SORCS1: variants seen among roughly 807,000 people sequenced by gnomAD.
SORCS1 encodes VPS10 domain-containing receptor SorCS1.
In SORCS1, 60 loss-of-function variants were observed where a neutral mutation model predicts 146.1. The ratio of observed to expected loss-of-function variants is 0.41; its 90% confidence interval spans 0.33 to 0.51. SORCS1 has a LOEUF of 0.51. Among genes scored for constraint, SORCS1 ranks in the 20% least tolerant of loss-of-function variants. SORCS1 has a pLI of 0.21. For missense variants in SORCS1, 1,352 were observed against 1,487.6 expected (o/e 0.91, Z 1.50); for synonymous variants, 637 against 584.0 (o/e 1.09, Z -1.31).
At chr10:107,159,160 C>T (rs1362542946) in intron 1 of SORCS1, among the ~76,000 whole-genome samples, 1 of 152,140 alleles carries the variant, frequency 6.6e-6, no homozygotes, top group Non-Finnish European at 1.5e-5. Flanking sequence ...TTCCCCTAAA[C>T]AGATATGCAT....
In SORCS1 at chr10:106,672,885, A is replaced by C. The variant is rs1851714894; in HGVS notation, c.2041T>G (p.Trp681Gly). The C allele has an allele frequency of 6.2e-7, 1 of 1,613,876 alleles. No homozygotes were observed. Among genetic ancestry groups the C allele is most frequent in the Non-Finnish European group, 8.5e-7 (1 of 1,179,922 alleles). The change falls in exon 15 of 26, where the codon TGG (tryptophan) becomes GGG (glycine). Residue 681 changes from tryptophan to glycine, a missense_variant. Trp to Gly is a radical substitution (Grantham distance 184). This residue lies in a region of SORCS1 where 648 missense variants were observed against 793.8 expected (regional missense o/e 0.82). Transcript: ENST00000263054. The stretch of plus-strand genomic sequence containing the variant: ...CCTCCTACCTGGCTGTGCAGCTGCC[A>C]AGGTCTGTAGTCCTCTTCGGCACAC... ...RRCAEEDYRPWQLHSQGEACI... is the reference protein window; with the variant it reads ...RRCAEEDYRPGQLHSQGEACI...
In SORCS1 at chr10:106,842,128, T is replaced by TTAAATG. The variant is rs111553027; in HGVS notation, c.627-12456_627-12455insCATTTA. Among the ~76,000 whole-genome samples the TTAAATG allele has an allele frequency of 7.7e-3, 1,171 of 152,326 alleles. 14 individuals carry two copies. The highest frequency in any genetic ancestry group is 0.027 in the African/African-American group (1,122 of 41,578). ...TAGATTTTGCCCATTTTAATAGGTG[T>TTAAATG]ATAGCAGCGTATCATTTTTTTTATT... On this transcript the variant is annotated intron_variant, in intron 2 of 25. Transcript: ENST00000263054.
intron 2 of SORCS1, among the ~76,000 whole-genome samples, chr10:106,914,156 T>C (rs993545637): frequency 2.0e-5 from 3 of 152,256 alleles, no homozygotes; most frequent in Non-Finnish European, 2.9e-5. Flanking sequence ...AAGCAAACTA[T>C]AAATGCCCAG....
intron 17 of SORCS1, among the ~76,000 whole-genome samples, chr10:106,660,209 G>T (rs1297836023): frequency 6.6e-6 from 1 of 152,162 alleles, no homozygotes; most frequent in East Asian, 1.9e-4. Context: ...CCAGGAAGTG[G>T]CAGGTTAGCA....
chr10:106,758,660 T>C (rs1858845811), intron 5 of SORCS1, among the ~76,000 whole-genome samples: 1 of 152,186 alleles, frequency 6.6e-6, no homozygotes, highest in Admixed American at 6.5e-5. Context: ...GAACCCTCTC[T>C]TCCATAAACT....
intron 20 of SORCS1, 139 bp from the exon 21 acceptor site, chr10:106,618,411 A>G (rs116616532): frequency 1.1e-5 from 11 of 1,013,942 alleles, no homozygotes; most frequent in East Asian, 2.6e-5. Flanking sequence ...GAGTCCCTCT[A>G]TGCCTCCCTA....
At chr10:106,602,781 T>G (rs922165689) in intron 23 of SORCS1, among the ~76,000 whole-genome samples, 3 of 152,226 alleles carry the variant, frequency 2.0e-5, no homozygotes, top group African/African-American at 7.2e-5. Context: ...CTCCAGAGTA[T>G]TTTTGTAATT....
Position 106,931,618 on chromosome 10 carries a change from G to A in SORCS1, c.626+24895C>T, listed in dbSNP as rs185869253. 3.8e-3 allele frequency among the ~76,000 whole-genome samples: 581 copies of A among 152,306 alleles called. 3 individuals carry two copies. The highest frequency in any genetic ancestry group is 6.2e-3 in the Non-Finnish European group (423 of 68,028). ...CACTAGCTCAGAGGCATCATCGTGG[G>A]AAAGCCCCCTGCAGTTTTCAGAGAT... On this transcript the variant is annotated intron_variant, in intron 2 of 25. Coordinates refer to ENST00000263054, the MANE Select transcript of SORCS1 (RefSeq NM_052918.5).
chr10:107,006,892 AATTTAT>A (rs2139685079), intron 1 of SORCS1, among the ~76,000 whole-genome samples: 2 of 150,410 alleles, frequency 1.3e-5, no homozygotes, highest in South Asian at 4.1e-4. Context: ...ATTCCTTTTA[AATTTAT>A]ATTTTCATTT....
intron 4 of SORCS1, among the ~76,000 whole-genome samples, chr10:106,773,550 G>GT (rs1404069512): frequency 2.0e-5 from 3 of 152,294 alleles, no homozygotes; most frequent in East Asian, 1.9e-4. Flanking sequence ...TCCATGATGT[G>GT]TTTTTTCCAG....
intron 1 of SORCS1, among the ~76,000 whole-genome samples, chr10:107,053,567 G>A (rs1416781720): frequency 6.6e-6 from 1 of 152,072 alleles, no homozygotes; most frequent in Non-Finnish European, 1.5e-5. Context: ...GGAAAAAAGG[G>A]TTGACTTGTA....
At chr10:106,899,527 A>G (rs1951617263) in intron 2 of SORCS1, among the ~76,000 whole-genome samples, 1 of 151,090 alleles carries the variant, frequency 6.6e-6, no homozygotes, top group Non-Finnish European at 1.5e-5. Flanking sequence ...GGGCTGCGCC[A>G]TCTCACTTAC....
At chr10:106,830,343 T>C (rs192453208) in intron 2 of SORCS1, among the ~76,000 whole-genome samples, 1 of 152,306 alleles carries the variant, frequency 6.6e-6, no homozygotes, top group Non-Finnish European at 1.5e-5. Flanking sequence ...TTGCTTTTAA[T>C]TACCTTCTCT....
intron 3 of SORCS1, among the ~76,000 whole-genome samples, chr10:106,811,568 C>A (rs761262979): frequency 1.6e-4 from 25 of 152,126 alleles, no homozygotes; most frequent in Non-Finnish European, 2.6e-4. Flanking sequence ...TTCATATATG[C>A]GGACGTTTAA....
At chr10:106,654,201 T>G (rs910721062) in intron 17 of SORCS1, among the ~76,000 whole-genome samples, 11 of 152,220 alleles carry the variant, frequency 7.2e-5, no homozygotes, top group African/African-American at 2.4e-4. Flanking sequence ...TAGAGAGTGC[T>G]TACTATGTCC....
At chr10:106,797,390 T>A (rs1367115029) in intron 3 of SORCS1, among the ~76,000 whole-genome samples, 1 of 152,154 alleles carries the variant, frequency 6.6e-6, no homozygotes, top group Non-Finnish European at 1.5e-5. Context: ...GTAAACTACA[T>A]GATGTTGTTA....
At chr10:107,132,430 T>C (rs529789786) in intron 1 of SORCS1, among the ~76,000 whole-genome samples, 102 of 152,348 alleles carry the variant, frequency 6.7e-4, no homozygotes, top group African/African-American at 2.3e-3. Flanking sequence ...TAGTAGTTCC[T>C]TAGTTCTAGA....
intron 18 of SORCS1, among the ~76,000 whole-genome samples, chr10:106,632,957 A>G (rs926770042): frequency 6.6e-6 from 1 of 152,146 alleles, no homozygotes; most frequent in Non-Finnish European, 1.5e-5. Context: ...AGGGGAACAG[A>G]GGGAACAGAT....
intron 1 of SORCS1, among the ~76,000 whole-genome samples, chr10:107,120,028 C>G (rs1233355534): frequency 1.3e-5 from 2 of 152,062 alleles, no homozygotes; most frequent in Non-Finnish European, 2.9e-5. Context: ...TTTCAGAGCA[C>G]AAAGCACATG....
Sources: allele counts gnomAD v4.1 joint callset (sites outside exome capture counted in the v4.1 genomes callset), GRCh38; gene constraint gnomAD v4.1.1; regional missense constraint gnomAD v4.1.1; transcripts MANE v1.5; gene names NCBI Gene and HGNC (gene_info 2026-07-23, HGNC 2026-07-21).